The following CHODL variants were observed in gnomAD, a reference collection of about 807,000 sequenced individuals.
The protein encoded by CHODL is chondrolectin.
CHODL carries 29 observed loss-of-function variants against 34.5 expected under a neutral mutation model. The observed-to-expected ratio is 0.84, with a 90% CI of 0.63 to 1.15. The LOEUF (loss-of-function observed/expected upper bound fraction) is 1.15, where lower values mean the gene tolerates loss of function less well. Ranked by LOEUF, CHODL falls within the 50% of genes most tolerant of loss-of-function variation. The probability of loss-of-function intolerance (pLI) is 0.00; values close to 1 mark genes in which losing one functional copy is unlikely to be tolerated. For synonymous variants in CHODL, 125 were observed against 116.1 expected, an observed-to-expected ratio of 1.08 and a Z score of -0.49; for missense variants, 332 against 332.5, an observed-to-expected ratio of 1.00 and a Z score of 0.01.
At chr21:18,017,095 A>G (rs532071068) in intron 1 of CHODL, among the ~76,000 whole-genome samples, 175 of 152,292 alleles carry the variant, frequency 1.1e-3, no homozygotes, top group African/African-American at 3.8e-3. Context: ...AGACTTTGCA[A>G]TTGGACTTTT....
At chr21:17,965,970 G>T (rs2063569153) in intron 1 of CHODL, among the ~76,000 whole-genome samples, 2 of 150,366 alleles carry the variant, frequency 1.3e-5, no homozygotes, top group Admixed American at 6.6e-5. Context: ...GAGCTGGATG[G>T]ATTGTGGTTA....
chr21:18,202,559 A>T (rs2073666590), intron 2 of CHODL, among the ~76,000 whole-genome samples: 2 of 152,168 alleles, frequency 1.3e-5, no homozygotes, highest in South Asian at 4.1e-4. Context: ...CCTCACCAAA[A>T]ATCAAATTAG....
At chr21:18,238,424 A>G (rs1345198152) in intron 2 of CHODL, among the ~76,000 whole-genome samples, 1 of 152,114 alleles carries the variant, frequency 6.6e-6, no homozygotes, top group Non-Finnish European at 1.5e-5. Flanking sequence ...AGATAAAACC[A>G]TCAGATCTTG....
intron 1 of CHODL, among the ~76,000 whole-genome samples, chr21:17,993,308 C>A (rs2146390750): frequency 6.6e-6 from 1 of 152,226 alleles, no homozygotes; most frequent in Non-Finnish European, 1.5e-5. Context: ...CAGATTATTT[C>A]ATCACCCAGG....
At chr21:18,208,859 C>T (rs980954956) in intron 2 of CHODL, among the ~76,000 whole-genome samples, 3 of 151,722 alleles carry the variant, frequency 2.0e-5, no homozygotes, top group African/African-American at 7.3e-5. Flanking sequence ...CTCTTTCTCT[C>T]TCTCTGTCCC....
intron 1 of CHODL, among the ~76,000 whole-genome samples, chr21:18,000,885 T>C (rs902409104): frequency 1.3e-5 from 2 of 152,220 alleles, no homozygotes; most frequent in Non-Finnish European, 2.9e-5. Context: ...TCTTTTTTTT[T>C]CCTGAGATAG....
At chr21:17,930,088 C>G (rs778927675) in intron 1 of CHODL, among the ~76,000 whole-genome samples, 4 of 151,376 alleles carry the variant, frequency 2.6e-5, no homozygotes, top group Non-Finnish European at 5.9e-5. Context: ...GTTGCTGCAA[C>G]TGCCACCACC....
At position 18,042,816 on chromosome 21, in the gene CHODL, A is replaced by T. The variant is rs1184452302; in HGVS notation, c.-45+14845A>T. 3.0e-4 allele frequency among the ~76,000 whole-genome samples: 45 copies of T among 151,924 alleles called. 1 individual carries two copies. The highest frequency in any genetic ancestry group is 7.4e-5 in the Non-Finnish European group (5 of 67,924). Reference sequence around the variant, plus strand: ...GAATATGCAAAATTGTTGAATTTTCAATGTGTCAGCTTTGGTCATTACTTA... The same window carrying T: ...GAATATGCAAAATTGTTGAATTTTCTATGTGTCAGCTTTGGTCATTACTTA... On this transcript the variant is annotated intron_variant, in intron 2 of 6. Coordinates refer to the CHODL transcript ENST00000400127.
intron 2 of CHODL, among the ~76,000 whole-genome samples, chr21:18,123,654 C>G (rs1448903767): frequency 6.6e-6 from 1 of 152,098 alleles, no homozygotes; most frequent in African/African-American, 2.4e-5. Context: ...AATAACTAAC[C>G]TGCTCCGTAA....
chr21:18,015,288 T>A (rs2064061537), intron 1 of CHODL, among the ~76,000 whole-genome samples: 1 of 152,154 alleles, frequency 6.6e-6, no homozygotes, highest in Non-Finnish European at 1.5e-5. Flanking sequence ...TAAAAGTGTG[T>A]AGCACTTCCC....
In CHODL at chr21:18,257,785, C is replaced by G. The variant is rs1370386036; in HGVS notation, c.547+658C>G. 2.0e-5 allele frequency among the ~76,000 whole-genome samples: 3 copies of G among 152,154 alleles called. 1 individual carries two copies. Among genetic ancestry groups the G allele is most frequent in the Non-Finnish European group, 4.4e-5 (3 of 68,026 alleles). On this transcript the variant is annotated intron_variant, in intron 3 of 5. Transcript: ENST00000299295. ...CTTACATTGACTTGAGCTATACTGG[C>G]ATGGGTTCTGGATTTAAAAAATAGT...
intron 2 of CHODL, among the ~76,000 whole-genome samples, chr21:18,070,027 C>CCTTCCCTTCTCT (rs1380432271): frequency 7.3e-5 from 5 of 68,636 alleles, no homozygotes; most frequent in Non-Finnish European, 1.6e-4. Context: ...CCCTTCCCTC[C>CCTTCCCTTCTCT]CCCCCCCCAC....
At chr21:18,125,693 T>A (rs1033443662) in intron 2 of CHODL, among the ~76,000 whole-genome samples, 1 of 152,054 alleles carries the variant, frequency 6.6e-6, no homozygotes, top group African/African-American at 2.4e-5. Flanking sequence ...CCTCACGGGT[T>A]CATGCGATTC....
intron 2 of CHODL, among the ~76,000 whole-genome samples, chr21:18,188,621 A>G (rs2073473098): frequency 6.6e-6 from 1 of 152,236 alleles, no homozygotes; most frequent in African/African-American, 2.4e-5. Flanking sequence ...AGTGTTTTCA[A>G]ATTGGGATAT....
intron 1 of CHODL, among the ~76,000 whole-genome samples, chr21:17,935,027 T>C (rs892230551): frequency 1.3e-5 from 2 of 152,132 alleles, no homozygotes; most frequent in Non-Finnish European, 2.9e-5. Context: ...AATTCTAGTA[T>C]TTGCAAATAT....
rs562272575 is a variant in CHODL at position 18,013,737 on chromosome 21, C to G, written c.-144-14135C>G. Among the ~76,000 whole-genome samples the G allele has an allele frequency of 1.8e-4, 27 of 149,184 alleles. No individual in the cohort carries two copies. In the South Asian group the frequency reaches 5.8e-3, roughly 32 times the overall value. ...GCAACCTCTGCCGCCTGGGTTCAAG[C>G]AATTCTCCTCTCTCAGCCTCCTGAG... On this transcript the variant is annotated intron_variant, in intron 1 of 6. Transcript: ENST00000400127.
intron 1 of CHODL, among the ~76,000 whole-genome samples, chr21:18,017,821 C>G (rs1309023126): frequency 6.6e-6 from 1 of 152,210 alleles, no homozygotes; most frequent in East Asian, 1.9e-4. Context: ...CACCCTGCAC[C>G]TAGAAAATTC....
At chr21:18,237,622 G>GA (rs1487811650) in intron 2 of CHODL, among the ~76,000 whole-genome samples, 1 of 152,114 alleles carries the variant, frequency 6.6e-6, no homozygotes, top group African/African-American at 2.4e-5. Context: ...TGTCACTCTA[G>GA]AGAGTAGACA....
chr21:18,090,077 A>G (rs1466044414), intron 2 of CHODL, among the ~76,000 whole-genome samples: 1 of 152,248 alleles, frequency 6.6e-6, no homozygotes, highest in African/African-American at 2.4e-5. Flanking sequence ...ACATCAAACA[A>G]TAACCCTATC....
Sources: allele counts gnomAD v4.1 joint callset (sites outside exome capture counted in the v4.1 genomes callset), GRCh38; gene constraint gnomAD v4.1.1; transcripts MANE v1.5; gene names NCBI Gene and HGNC (gene_info 2026-07-23, HGNC 2026-07-21).